Variants in LRFN5 observed in about 807,000 individuals in gnomAD.
LRFN5 encodes leucine rich repeat and fibronectin type III domain containing 5, also known as leucine-rich repeat and fibronectin type-III domain-containing protein 5.
A neutral mutation model predicts 45.6 loss-of-function variants in LRFN5; 24 were observed. The observed-to-expected ratio is 0.53, with a 90% CI of 0.38 to 0.74. LRFN5 has a LOEUF of 0.74. LRFN5 is among the 30% of genes least tolerant of loss of function. LRFN5 has a pLI of 0.00. For synonymous variants in LRFN5, 340 were observed against 313.8 expected (o/e 1.08, Z -0.88); for missense variants, 776 against 861.5 (o/e 0.90, Z 1.24).
chr14:41,891,636 A>G lies in LRFN5; in HGVS notation c.1772A>G (p.Lys591Arg), dbSNP rs572170604. The G allele has an allele frequency of 2.0e-5, 32 of 1,614,194 alleles. No individual in the cohort carries two copies. The highest frequency in any genetic ancestry group is 2.6e-5 in the Non-Finnish European group (31 of 1,180,030). Reference protein sequence around the residue: ...CSVTLPQSVSKQAVGHEENAQ... With the variant: ...CSVTLPQSVSRQAVGHEENAQ... ...GTAACGCTGCCCCAGTCCGTGTCCA[A>G]ACAAGCTGTGGGACACGAAGAGAAT... is the stretch of plus-strand genomic sequence containing the variant. Residue 591 changes from lysine to arginine, a missense_variant, in exon 4 of 6, where the codon AAA becomes AGA. Around this residue, in one of 2 missense-constraint regions of LRFN5, gnomAD observed 465 missense variants for 456.4 expected, o/e 1.02. Transcript: ENST00000298119.
rs1357429157 is a variant in LRFN5, at chr14:41,892,710, G to A, written c.2098+748G>A. The A allele has an allele frequency of 4.1e-6, 4 of 985,246 alleles. No homozygotes were observed. In the African/African-American group the frequency reaches 7.0e-5, roughly 17 times the overall value. 61.0% of individuals were successfully genotyped at this position (985,246 alleles called of 1,614,324 possible). A position where few individuals can be genotyped will look rare whatever the true frequency, so the allele number is the denominator to read the frequency against. ...ACTTCTAAACAACATCCTTGGTGCA[G>A]GTGCCTTAATGGTTGTAAGATATTT... is the stretch of plus-strand genomic sequence containing the variant. On this transcript the variant is annotated intron_variant, in intron 4 of 5. Transcript: ENST00000298119.
At chr14:41,796,730 A>G (rs1257487932) in intron 2 of LRFN5, among the ~76,000 whole-genome samples, 1 of 151,848 alleles carries the variant, frequency 6.6e-6, no homozygotes, top group African/African-American at 2.4e-5. Context: ...TTATTGCTCT[A>G]TTTAACAACC....
rs1225884517 is a variant in LRFN5 at position 41,607,420 on chromosome 14, C to G, written c.-1339C>G. 1 of 152,384 alleles carries G rather than the reference C, an allele frequency of 6.6e-6. No homozygotes were observed. The allele number at this position is 152,384 out of a possible 1,614,324, so 9.4% of individuals were successfully genotyped here. A position where few individuals can be genotyped will look rare whatever the true frequency, so the allele number is the denominator to read the frequency against. On this transcript the variant is annotated 5_prime_UTR_variant, in exon 1 of 6. Transcript: ENST00000298119. ...GACTTGAGAAGACTTTGATAACCTCCCTGCTGGCCCTTCTGTGTTCCGGAA... is the reference window on the plus strand; with the variant it reads ...GACTTGAGAAGACTTTGATAACCTCGCTGCTGGCCCTTCTGTGTTCCGGAA...
intron 1 of LRFN5, among the ~76,000 whole-genome samples, chr14:41,747,284 T>C (rs890712244): frequency 4.6e-5 from 7 of 151,940 alleles, no homozygotes; most frequent in Non-Finnish European, 7.4e-5. Flanking sequence ...ATTGCAAAAC[T>C]TACTACAAAG....
intron 2 of LRFN5, among the ~76,000 whole-genome samples, chr14:41,844,358 A>C (rs999934043): frequency 6.6e-6 from 1 of 151,324 alleles, no homozygotes; most frequent in Admixed American, 6.6e-5. Context: ...AATGGCGTGA[A>C]CCCAGGAGGC....
intron 1 of LRFN5, among the ~76,000 whole-genome samples, chr14:41,628,198 T>C (rs1024575015): frequency 1.3e-5 from 2 of 152,184 alleles, no homozygotes; most frequent in African/African-American, 4.8e-5. Flanking sequence ...CTTTTACCCC[T>C]CATTTATTCT....
intron 1 of LRFN5, among the ~76,000 whole-genome samples, chr14:41,699,219 G>A (rs1882739506): frequency 6.6e-6 from 1 of 151,992 alleles, no homozygotes; most frequent in Non-Finnish European, 1.5e-5. Context: ...TCTGGGGTAG[G>A]TTATGAAATT....
chr14:41,785,102 A>G (rs1594707037), intron 2 of LRFN5, among the ~76,000 whole-genome samples: 2 of 152,244 alleles, frequency 1.3e-5, no homozygotes, highest in Non-Finnish European at 2.9e-5. Context: ...GTGGTGTTTG[A>G]ATAAGGTAGC....
intron 1 of LRFN5, among the ~76,000 whole-genome samples, chr14:41,705,844 C>T (rs1427030018): frequency 6.8e-6 from 1 of 147,060 alleles, no homozygotes; most frequent in Non-Finnish European, 1.5e-5. Context: ...CCCTCAAACA[C>T]ACCCACACCC....
chr14:41,652,678 C>A (rs1880186359), intron 1 of LRFN5, among the ~76,000 whole-genome samples: 1 of 152,022 alleles, frequency 6.6e-6, no homozygotes, highest in Non-Finnish European at 1.5e-5. Flanking sequence ...GCAAAAATAA[C>A]AAGAGTAATT....
At chr14:41,781,568 GAAAGAAAGAAA>G (rs1566436893) in intron 2 of LRFN5, among the ~76,000 whole-genome samples, 287 of 52,912 alleles carry the variant, frequency 5.4e-3, no homozygotes, top group African/African-American at 0.028. Flanking sequence ...GAGAAAGAAA[GAAAGAAAGAAA>G]GAAAGAAAGA....
intron 2 of LRFN5, among the ~76,000 whole-genome samples, chr14:41,869,936 A>G (rs930822425): frequency 6.6e-6 from 1 of 152,152 alleles, no homozygotes; most frequent in African/African-American, 2.4e-5. Context: ...ACCATGGTGC[A>G]CATTTTACTT....
chr14:41,621,743 C>T (rs143552934), intron 1 of LRFN5, among the ~76,000 whole-genome samples: 2 of 152,046 alleles, frequency 1.3e-5, no homozygotes, highest in African/African-American at 4.8e-5. Context: ...GACAACCAAT[C>T]GCAGGATTAT....
At chr14:41,765,112 C>T (rs541946978) in intron 1 of LRFN5, among the ~76,000 whole-genome samples, 2 of 151,900 alleles carry the variant, frequency 1.3e-5, no homozygotes, top group African/African-American at 2.4e-5. Flanking sequence ...GAGGCCGAGA[C>T]GGGCGGATCA....
At chr14:41,886,192 A>T (rs1244682281) in intron 2 of LRFN5, among the ~76,000 whole-genome samples, 1 of 152,130 alleles carries the variant, frequency 6.6e-6, no homozygotes, top group Non-Finnish European at 1.5e-5. Flanking sequence ...ACAAATCTTC[A>T]AATATGCCTC....
intron 1 of LRFN5, among the ~76,000 whole-genome samples, chr14:41,638,989 A>T (rs1006936902): frequency 2.0e-5 from 3 of 152,040 alleles, no homozygotes; most frequent in African/African-American, 7.2e-5. Context: ...AAATGCTGTG[A>T]GGTAGAAAAG....
At chr14:41,902,244 G>A (rs1891124633) in intron 5 of LRFN5, among the ~76,000 whole-genome samples, 1 of 151,770 alleles carries the variant, frequency 6.6e-6, no homozygotes, top group Admixed American at 6.6e-5. Flanking sequence ...ACTCTTAAAT[G>A]AGGACAATAA....
intron 2 of LRFN5, among the ~76,000 whole-genome samples, chr14:41,875,568 A>G (rs1890159098): frequency 6.6e-6 from 1 of 152,272 alleles, no homozygotes; most frequent in South Asian, 2.1e-4. Flanking sequence ...TTCTTTACAT[A>G]CAGAAATCAC....
chr14:41,816,208 T>A (rs1289232531), intron 2 of LRFN5, among the ~76,000 whole-genome samples: 1 of 152,094 alleles, frequency 6.6e-6, no homozygotes, highest in East Asian at 1.9e-4. Context: ...AAAATAATTC[T>A]AATTCTTCTC....
Sources: gnomAD v4.1 joint callset for allele counts (sites outside exome capture counted in the v4.1 genomes callset) on GRCh38, gnomAD v4.1.1 for gene constraint, gnomAD v4.1.1 regional missense constraint, MANE v1.5 for transcripts, NCBI Gene and HGNC (gene_info 2026-07-23, HGNC 2026-07-21) for gene names.